Variants in PRRG1 observed in about 807,000 individuals in gnomAD.
The protein encoded by PRRG1 is proline rich and Gla domain 1.
A neutral mutation model predicts 11.8 loss-of-function variants in PRRG1; 5 were observed. The ratio of observed to expected loss-of-function variants is 0.42; its 90% CI spans 0.22 to 0.89. The LOEUF is 0.89. Among genes scored for constraint, PRRG1 ranks in the 40% least tolerant of loss-of-function variants. PRRG1 has a pLI of 0.28. For synonymous variants in PRRG1, 66 were observed against 60.4 expected (o/e 1.09, Z -0.43); for missense variants, 155 against 166.1 (o/e 0.93, Z 0.37).
intron 3 of PRRG1, among the ~76,000 whole-genome samples, chrX:37,444,116 G>A (rs1257742035): frequency 1.8e-5 from 2 of 111,643 alleles, no homozygotes; most frequent in Non-Finnish European, 3.8e-5. Context: ...TAAAAATGAG[G>A]ATTATGGTCA....
chrX:37,392,043 A>G (rs1350775095), intron 1 of PRRG1, among the ~76,000 whole-genome samples: 1 of 110,403 alleles, frequency 9.1e-6, no homozygotes, highest in East Asian at 2.8e-4. Context: ...CATTGTATAC[A>G]CCAGGGATTG....
intron 1 of PRRG1, among the ~76,000 whole-genome samples, chrX:37,402,052 C>T (rs1346420339): frequency 5.4e-5 from 6 of 111,525 alleles, no homozygotes; most frequent in African/African-American, 2.0e-4. Context: ...TGAAAATGGC[C>T]ATACTGCCCA....
At chrX:37,403,524 A>T (rs1420795953) in intron 1 of PRRG1, among the ~76,000 whole-genome samples, 1 of 104,641 alleles carries the variant, frequency 9.6e-6, no homozygotes, top group Non-Finnish European at 2.0e-5. Context: ...GATATACCTA[A>T]GGCTAAATGA....
intron 1 of PRRG1, among the ~76,000 whole-genome samples, chrX:37,390,740 A>T (rs1313087464): frequency 1.8e-5 from 2 of 112,119 alleles, no homozygotes; most frequent in Non-Finnish European, 3.8e-5. Flanking sequence ...AGTTACAAGG[A>T]TGGCTATCTA....
intron 2 of PRRG1, among the ~76,000 whole-genome samples, chrX:37,409,617 TC>T (rs1437947654): frequency 8.9e-6 from 1 of 112,508 alleles, no homozygotes; most frequent in East Asian, 2.8e-4. Flanking sequence ...TCCTTTACTC[TC>T]TAAGCTTTGC....
intron 1 of PRRG1, among the ~76,000 whole-genome samples, chrX:37,382,517 T>C (rs1290108992): frequency 9.0e-6 from 1 of 111,547 alleles, no homozygotes; most frequent in East Asian, 2.8e-4. Flanking sequence ...GCTGCATAAT[T>C]TTCCAGTGTA....
chrX:37,435,819 A>G (rs1932879231), intron 3 of PRRG1, among the ~76,000 whole-genome samples: 1 of 111,470 alleles, frequency 9.0e-6, no homozygotes, highest in African/African-American at 3.3e-5. Context: ...TCTGGAAAAA[A>G]AGGACATTAA....
chrX:37,349,942 C>T (rs1265183176), intron 1 of PRRG1, among the ~76,000 whole-genome samples: 2 of 109,320 alleles, frequency 1.8e-5, no homozygotes, highest in Non-Finnish European at 3.8e-5. Flanking sequence ...ATCCATTGTG[C>T]CCGTGGACAT....
At chrX:37,427,694 G>A (rs975283586) in intron 3 of PRRG1, among the ~76,000 whole-genome samples, 1 of 111,678 alleles carries the variant, frequency 9.0e-6, no homozygotes, top group African/African-American at 3.3e-5. Context: ...CCATATATAA[G>A]TGAGATCCTG....
intron 2 of PRRG1, among the ~76,000 whole-genome samples, chrX:37,414,976 C>T (rs191556837): frequency 2.7e-5 from 3 of 112,572 alleles, no homozygotes; most frequent in Admixed American, 9.4e-5. Flanking sequence ...TAACATATTA[C>T]GTTGAACCAT....
chrX:37,427,304 T>C (rs1932785322), intron 3 of PRRG1, among the ~76,000 whole-genome samples: 1 of 111,896 alleles, frequency 8.9e-6, no homozygotes, highest in Non-Finnish European at 1.9e-5. Flanking sequence ...GTTTGACATA[T>C]AAAAAGCTGT....
At chrX:37,433,737 G>T (rs1472024571) in intron 3 of PRRG1, among the ~76,000 whole-genome samples, 2 of 111,862 alleles carry the variant, frequency 1.8e-5, no homozygotes, top group Non-Finnish European at 1.9e-5. Flanking sequence ...GAATGGATTG[G>T]CAAATCACAA....
chrX:37,401,610 A>G (rs1431620995), intron 1 of PRRG1, among the ~76,000 whole-genome samples: 1 of 110,904 alleles, frequency 9.0e-6, no homozygotes, highest in Non-Finnish European at 1.9e-5. Flanking sequence ...CTCCTATTCA[A>G]CATAGTGTTG....
At position 37,375,818 on chromosome X, in the gene PRRG1, G is replaced by A. The variant is rs550336081; in HGVS notation, c.-42+26423G>A. Among the ~76,000 whole-genome samples, 105 of 111,495 alleles carry A rather than the reference G, an allele frequency of 9.4e-4. 1 individual carries two copies. The South Asian group carries it at 0.039, about 41-fold the overall frequency. ...TATCTTTACTGTAAGAACCTGATAGGGTTCCTGGAGCTAAAACTCACAGAA... is the reference window on the plus strand; with the variant it reads ...TATCTTTACTGTAAGAACCTGATAGAGTTCCTGGAGCTAAAACTCACAGAA... On this transcript the variant is annotated intron_variant, in intron 1 of 3. Transcript: ENST00000378628.
In PRRG1 at chrX:37,431,275, C is replaced by T. The variant is rs782255343; in HGVS notation, c.171+5275C>T. Among the ~76,000 whole-genome samples the T allele has an allele frequency of 3.6e-5, 4 of 111,840 alleles. No homozygotes were observed. In the South Asian group the frequency reaches 1.5e-3, roughly 42 times the overall value. On this transcript the variant is annotated intron_variant, in intron 3 of 3. Coordinates refer to ENST00000378628, the MANE Select transcript of PRRG1 (RefSeq NM_001142395.2). Reference sequence around the variant, plus strand: ...GGGATAAGTCACTGGGAGTACAATTCTTGGGTTGCATGGTATATGTGTAGT... The same window carrying T: ...GGGATAAGTCACTGGGAGTACAATTTTTGGGTTGCATGGTATATGTGTAGT...
chrX:37,380,729 C>T (rs1360619096), intron 1 of PRRG1, among the ~76,000 whole-genome samples: 1 of 111,487 alleles, frequency 9.0e-6, no homozygotes, highest in Non-Finnish European at 1.9e-5. Context: ...AAATGGAGTA[C>T]TAAAGTGGTA....
intron 2 of PRRG1, among the ~76,000 whole-genome samples, chrX:37,422,541 T>C (rs1932691175): frequency 2.7e-5 from 3 of 112,295 alleles, no homozygotes; most frequent in Non-Finnish European, 5.6e-5. Flanking sequence ...GCCTGTTATA[T>C]GGAGGAGACT....
intron 3 of PRRG1, among the ~76,000 whole-genome samples, chrX:37,431,930 G>T (rs1487197711): frequency 1.9e-5 from 2 of 108,032 alleles, no homozygotes; most frequent in African/African-American, 6.8e-5. Flanking sequence ...ACCATGTCCG[G>T]CTTTATATAC....
intron 2 of PRRG1, among the ~76,000 whole-genome samples, chrX:37,408,114 G>T (rs1394584821): frequency 8.9e-6 from 1 of 111,821 alleles, no homozygotes; most frequent in African/African-American, 3.3e-5. Flanking sequence ...CGTCCTGCCC[G>T]CAAATCAGCT....
Sources: gnomAD v4.1 joint callset for allele counts (sites outside exome capture counted in the v4.1 genomes callset) on GRCh38, gnomAD v4.1.1 for gene constraint, MANE v1.5 for transcripts, NCBI Gene and HGNC (gene_info 2026-07-23, HGNC 2026-07-21) for gene names.